The following TPM3 variants were observed in gnomAD, a reference collection of about 807,000 sequenced individuals.
The protein encoded by TPM3 is tropomyosin 3.
A neutral mutation model predicts 43.1 loss-of-function variants in TPM3; 16 were observed. The ratio of observed to expected loss-of-function variants is 0.37; its 90% CI spans 0.25 to 0.56. The LOEUF (loss-of-function observed/expected upper bound fraction) is 0.56. TPM3 is among the 20% of genes least tolerant of loss of function. The probability of loss-of-function intolerance (pLI) is 0.77; values close to 1 mark genes in which losing one functional copy is unlikely to be tolerated. For missense variants in TPM3, 176 were observed against 337.2 expected (o/e 0.52, Z 3.74); for synonymous variants, 101 against 116.9 (o/e 0.86, Z 0.88).
intron 2 of TPM3, among the ~76,000 whole-genome samples, chr1:154,177,048 C>T (rs1489457556): frequency 1.3e-5 from 2 of 151,716 alleles, no homozygotes; most frequent in African/African-American, 4.8e-5. Flanking sequence ...AACCGTTATT[C>T]CTATGATCAC....
chr1:154,158,268 A>G (rs1175505866), downstream of TPM3, among the ~76,000 whole-genome samples: 1 of 152,256 alleles, frequency 6.6e-6, no homozygotes, highest in Non-Finnish European at 1.5e-5. Flanking sequence ...CAAGAATACT[A>G]CTGAAACAAG....
At chr1:154,157,271 G>C (rs1659907667), downstream of TPM3, 1 of 411,822 alleles carries the variant, frequency 2.4e-6, no homozygotes, top group African/African-American at 2.0e-5. Context: ...GTGAGAAAGG[G>C]ATTCGATTGC....
intron 2 of TPM3, chr1:154,183,378 A>T: frequency 1.6e-6 from 2 of 1,266,576 alleles, no homozygotes; most frequent in South Asian, 3.0e-5. Context: ...TGGGCCAGTA[A>T]ACTGGGACGG....
downstream of TPM3, chr1:154,157,208 TCTC>T: frequency 8.8e-6 from 3 of 340,872 alleles, no homozygotes; most frequent in Non-Finnish European, 1.7e-5. Context: ...CACCTTTTCC[TCTC>T]CTCTATGGAG....
chr1:154,187,891 A>G (rs1457138322), intron 2 of TPM3, among the ~76,000 whole-genome samples: 1 of 151,548 alleles, frequency 6.6e-6, no homozygotes, highest in Non-Finnish European at 1.5e-5. Context: ...CTTCATGCCC[A>G]TATGTTAGAA....
At position 154,163,931 on chromosome 1, in the gene TPM3, C is replaced by A. The variant is rs1430493018; in HGVS notation, c.*4006G>T. On this transcript the variant is annotated 3_prime_UTR_variant, in exon 10 of 10. Transcript: ENST00000651641. The stretch of plus-strand genomic sequence containing the variant: ...TACAGGCGTGAGCCACCGTGCCTGG[C>A]CTCTTTTTTTTGTATTTGCAATTGT... Among the ~76,000 whole-genome samples the A allele has an allele frequency of 6.6e-6, 1 of 152,054 alleles. No individual in the cohort carries two copies. Among genetic ancestry groups the A allele is most frequent in the Non-Finnish European group, 1.5e-5 (1 of 68,020 alleles).
chr1:154,156,935 A>T (rs1295527527), downstream of TPM3: 1 of 198,544 alleles, frequency 5.0e-6, no homozygotes, highest in Non-Finnish European at 1.0e-5. Flanking sequence ...GAGGGGGTAG[A>T]GATGGGACAA....
At position 154,191,325 on chromosome 1, in the gene TPM3, G is replaced by C; in HGVS notation, c.118-14C>G. On this transcript the variant is annotated splice_polypyrimidine_tract_variant and intron_variant, in intron 1 of 9. Coordinates refer to ENST00000651641, the MANE Select transcript of TPM3 (RefSeq NM_152263.4). ...CTCATCCTCCAGCTATAGGAGCCCA[G>C]AGAGTCACACACAAAAACACACAAA... 6.2e-7 allele frequency: 1 copy of C among 1,613,770 alleles called. No homozygotes were observed. The highest frequency in any genetic ancestry group is 8.5e-7 in the Non-Finnish European group (1 of 1,180,020).
chr1:154,179,702 G>A (rs574238567), intron 2 of TPM3, among the ~76,000 whole-genome samples: 2 of 152,202 alleles, frequency 1.3e-5, no homozygotes, highest in East Asian at 3.9e-4. Flanking sequence ...TTGTGCCTCA[G>A]CCTCCCAAGT....
Position 154,174,403 on chromosome 1 carries a change from T to TAC in TPM3, c.378-1203_378-1202insGT, listed in dbSNP as rs1397064423. Reference sequence around the variant, plus strand: ...ATATATATATATATATATATATATATATATACACACAAAAATCCCATCCCA... The same window carrying TAC: ...ATATATATATATATATATATATATATACATATACACACAAAAATCCCATCCCA... On this transcript the variant is annotated intron_variant, in intron 3 of 9. Transcript: ENST00000651641. 1.2e-4 allele frequency among the ~76,000 whole-genome samples: 12 copies of TAC among 102,126 alleles called. No individual in the cohort carries two copies. The South Asian group carries it at 2.1e-3, about 18-fold the overall frequency. The allele number at this position is 102,126 out of a possible 152,430, so 67.0% of individuals were successfully genotyped here.
At chr1:154,155,800 A>T (rs965845361), downstream of TPM3, 3 of 224,082 alleles carry the variant, frequency 1.3e-5, no homozygotes, top group Admixed American at 1.7e-4. Flanking sequence ...AAATGTATAT[A>T]GTTCAGCCTG....
At chr1:154,180,150 C>T (rs904989985) in intron 2 of TPM3, among the ~76,000 whole-genome samples, 10 of 152,146 alleles carry the variant, frequency 6.6e-5, no homozygotes, top group African/African-American at 2.4e-4. Context: ...AGACCAATTT[C>T]CAGGCCGAGA....
chr1:154,172,984 G>A lies in TPM3; in HGVS notation c.496-6C>T, dbSNP rs1285097107. On this transcript the variant is annotated splice_polypyrimidine_tract_variant and splice_region_variant and intron_variant, in intron 4 of 9. Coordinates refer to ENST00000651641, the MANE Select transcript of TPM3 (RefSeq NM_152263.4). ...ATCACCAACTTACGAGCCACCTACA[G>A]GAAAAGATCCCAGTATAGCTTAGTG... 6.2e-7 allele frequency: 1 copy of A among 1,614,140 alleles called. No individual in the cohort carries two copies. Among genetic ancestry groups the A allele is most frequent in the South Asian group, 1.1e-5 (1 of 91,084 alleles).
chr1:154,165,789 CAAAA>C lies in TPM3; in HGVS notation c.*2144_*2147del, dbSNP rs68185418. 2.4e-5 allele frequency among the ~76,000 whole-genome samples: 2 copies of C among 82,224 alleles called. No homozygotes were observed. The highest frequency in any genetic ancestry group is 1.3e-4 in the Admixed American group (1 of 7,702). The allele number at this position is 82,224 out of a possible 152,430, so 53.9% of individuals were successfully genotyped here. A position where few individuals can be genotyped will look rare whatever the true frequency, so the allele number is the denominator to read the frequency against. On this transcript the variant is annotated 3_prime_UTR_variant, in exon 10 of 10. Transcript: ENST00000651641. ...AGGTGACAAGAGTCAAACTCCGTCT[CAAAA>C]AAAAAAAAAAAAAGAAAAAAAGAAA... is the stretch of plus-strand genomic sequence containing the variant.
At chr1:154,172,347 G>A in intron 5 of TPM3, 1 of 678,406 alleles carries the variant, frequency 1.5e-6, no homozygotes, top group South Asian at 1.5e-5. Flanking sequence ...CGACGGGAGA[G>A]CAGTTAATAT....
At chr1:154,190,599 C>T (rs911343736) in intron 2 of TPM3, among the ~76,000 whole-genome samples, 3 of 152,178 alleles carry the variant, frequency 2.0e-5, no homozygotes, top group African/African-American at 7.2e-5. Context: ...TTCTATTATA[C>T]TCTGTCACTG....
At chr1:154,175,033 T>C (rs1662134910) in intron 3 of TPM3, among the ~76,000 whole-genome samples, 1 of 151,786 alleles carries the variant, frequency 6.6e-6, no homozygotes. Context: ...AGGAACACAT[T>C]AAAATTAGCT....
downstream of TPM3, chr1:154,158,720 A>C (rs1489401305): frequency 2.0e-6 from 1 of 494,226 alleles, no homozygotes; most frequent in African/African-American, 1.9e-5. Context: ...AATTCTCGCA[A>C]GTTTTCTCAC....
At chr1:154,172,774 C>T in intron 5 of TPM3, 134 bp downstream of exon 5, 1 of 1,102,564 alleles carries the variant, frequency 9.1e-7, no homozygotes, top group South Asian at 1.3e-5. Flanking sequence ...CCTAAAAAAG[C>T]ACTATAGATG....
Sources: allele counts gnomAD v4.1 joint callset (sites outside exome capture counted in the v4.1 genomes callset), GRCh38; gene constraint gnomAD v4.1.1; transcripts MANE v1.5; gene names NCBI Gene and HGNC (gene_info 2026-07-23, HGNC 2026-07-21).